LRRC37A2: variants seen among roughly 807,000 people sequenced by gnomAD.
LRRC37A2 encodes leucine rich repeat containing 37 member A2.
Under a neutral mutation model 68.8 loss-of-function variants are expected in LRRC37A2, and 9 were observed. The observed-to-expected ratio is 0.13, with a 90% CI of 0.08 to 0.23. LRRC37A2 has a LOEUF of 0.23. Ranked by LOEUF, LRRC37A2 falls within the 10% of genes least tolerant of loss-of-function variation. The pLI is 1.00. For missense variants in LRRC37A2, 168 were observed against 950.4 expected (o/e 0.18, Z 10.82); for synonymous variants, 63 against 367.6 (o/e 0.17, Z 9.48).
At chr17:46,806,615 A>G in the LRRC37A2 span, among the ~76,000 whole-genome samples, 1 of 152,240 alleles carries the variant, frequency 6.6e-6, no homozygotes, top group Non-Finnish European at 1.5e-5. Context: ...CCTTACTGGT[A>G]GCAGAGAAAG....
the LRRC37A2 span, among the ~76,000 whole-genome samples, chr17:46,917,811 GA>G: frequency 6.6e-6 from 1 of 152,210 alleles, no homozygotes; most frequent in Non-Finnish European, 1.5e-5. Flanking sequence ...AACAGGTTCT[GA>G]AGAGTCATGG....
chr17:46,778,569 C>T, the LRRC37A2 span, among the ~76,000 whole-genome samples: 1 of 152,152 alleles, frequency 6.6e-6, no homozygotes, highest in Non-Finnish European at 1.5e-5. Context: ...TGAAATTCCA[C>T]CATCGCAGAC....
At chr17:46,803,231 T>G in the LRRC37A2 span, among the ~76,000 whole-genome samples, 1 of 152,214 alleles carries the variant, frequency 6.6e-6, no homozygotes, top group Non-Finnish European at 1.5e-5. Flanking sequence ...TCCTGTACTT[T>G]CATTAAAAAG....
the LRRC37A2 span, among the ~76,000 whole-genome samples, chr17:46,773,156 C>T: frequency 1.3e-5 from 2 of 152,150 alleles, no homozygotes; most frequent in Non-Finnish European, 2.9e-5. Flanking sequence ...CCAGTGCACC[C>T]TCTAGCCCCA....
At chr17:47,017,694 C>T in the LRRC37A2 span, 496 of 1,610,984 alleles carry the variant, frequency 3.1e-4, 1 homozygote, top group Non-Finnish European at 3.8e-4. Flanking sequence ...TGGAATTATA[C>T]GCCAATTATC....
chr17:46,940,307 T>C, the LRRC37A2 span: 1 of 1,441,420 alleles, frequency 6.9e-7, no homozygotes, highest in Non-Finnish European at 9.1e-7. Flanking sequence ...GGGCCCCAGG[T>C]TTCCAAGGAA....
the LRRC37A2 span, among the ~76,000 whole-genome samples, chr17:46,657,408 G>T: frequency 1.3e-5 from 2 of 152,220 alleles, no homozygotes; most frequent in African/African-American, 4.8e-5. Context: ...AAGAGACTTG[G>T]AGTCTAGTTT....
At chr17:46,910,011 T>C in the LRRC37A2 span, 334 of 152,238 alleles carry the variant, frequency 2.2e-3, 11 homozygotes, top group East Asian at 0.06. Context: ...AATGTCTCTG[T>C]CTGCAGGGCT....
At chr17:46,908,729 C>T in the LRRC37A2 span, among the ~76,000 whole-genome samples, 1 of 152,196 alleles carries the variant, frequency 6.6e-6, no homozygotes, top group Non-Finnish European at 1.5e-5. Flanking sequence ...CTTCCGGAGA[C>T]TCAGTGCCTC....
At chr17:46,718,690 A>G in the LRRC37A2 span, among the ~76,000 whole-genome samples, 1 of 152,316 alleles carries the variant, frequency 6.6e-6, no homozygotes, top group African/African-American at 2.4e-5. Context: ...GACCTTGGAT[A>G]TGTCATTTAA....
the LRRC37A2 span, among the ~76,000 whole-genome samples, chr17:47,043,283 C>T: frequency 6.6e-6 from 1 of 152,004 alleles, no homozygotes; most frequent in Non-Finnish European, 1.5e-5. Flanking sequence ...AACAAAATGT[C>T]ATTTGTTTAT....
chr17:46,598,168 T>G, the LRRC37A2 span, among the ~76,000 whole-genome samples: 1 of 70,854 alleles, frequency 1.4e-5, no homozygotes, highest in South Asian at 5.6e-4. Flanking sequence ...TTCTTACTAC[T>G]TTTGATATTC....
chr17:46,814,502 TC>T, the LRRC37A2 span, among the ~76,000 whole-genome samples: 4 of 151,318 alleles, frequency 2.6e-5, no homozygotes, highest in Admixed American at 6.6e-5. Flanking sequence ...CCCCGCCATA[TC>T]CCCCCCAGGG....
chr17:46,932,088 T>C, the LRRC37A2 span: 2 of 1,613,656 alleles, frequency 1.2e-6, no homozygotes, highest in African/African-American at 1.3e-5. Flanking sequence ...AGTTAAAGTA[T>C]GATGTCCAGC....
chr17:46,861,798 G>A, the LRRC37A2 span, among the ~76,000 whole-genome samples: 1 of 152,236 alleles, frequency 6.6e-6, no homozygotes, highest in Non-Finnish European at 1.5e-5. Context: ...CAAGACCAAA[G>A]GGTTTGTTTT....
the LRRC37A2 span, chr17:46,979,252 G>T: frequency 2.8e-6 from 1 of 358,324 alleles, no homozygotes. Flanking sequence ...AGAACCTAGT[G>T]TGCTTAGCGG....
the LRRC37A2 span, chr17:46,984,139 T>G: frequency 6.6e-6 from 1 of 152,164 alleles, no homozygotes; most frequent in Non-Finnish European, 1.5e-5. Context: ...TTATTTAATC[T>G]TCACAGCAAG....
the LRRC37A2 span, chr17:46,937,406 A>T: frequency 6.6e-6 from 1 of 152,218 alleles, no homozygotes; most frequent in African/African-American, 2.4e-5. Context: ...CCTTCTTTTT[A>T]TAGTATAAAA....
At chr17:46,938,770 G>A in the LRRC37A2 span, 5 of 1,613,380 alleles carry the variant, frequency 3.1e-6, no homozygotes, top group African/African-American at 4.0e-5. Flanking sequence ...AGCCAGCCAC[G>A]CTCAGTGGCT....
Sources: gnomAD v4.1 joint callset for allele counts (sites outside exome capture counted in the v4.1 genomes callset) on GRCh38, gnomAD v4.1.1 for gene constraint, MANE v1.5 for transcripts, NCBI Gene and HGNC (gene_info 2026-07-23, HGNC 2026-07-21) for gene names.